Variants in CERS3 observed in about 807,000 individuals in gnomAD.
The protein encoded by CERS3 is ceramide synthase 3.
CERS3 carries 33 observed loss-of-function variants against 50.3 expected under a neutral mutation model. That is an observed-to-expected ratio of 0.66 (90% CI 0.50 to 0.88). CERS3 has a LOEUF of 0.88. Ranked by LOEUF, CERS3 falls within the 40% of genes least tolerant of loss-of-function variation. The pLI is 0.00. For synonymous variants in CERS3, 176 were observed against 155.2 expected (o/e 1.13, Z -0.99); for missense variants, 470 against 460.3 (o/e 1.02, Z -0.19).
chr15:100,453,829 TA>T (rs1405347943), intron 11 of CERS3, among the ~76,000 whole-genome samples: 4 of 152,110 alleles, frequency 2.6e-5, no homozygotes, highest in African/African-American at 9.7e-5. Flanking sequence ...ACATAAAAAA[TA>T]GTGTCTATAT....
At chr15:100,420,101 T>C (rs1430377888) in intron 11 of CERS3, among the ~76,000 whole-genome samples, 9 of 145,410 alleles carry the variant, frequency 6.2e-5, no homozygotes, top group African/African-American at 1.0e-4. Flanking sequence ...CTGAAGGAAA[T>C]AGAGACACAA....
chr15:100,407,137 C>A (rs1420761752), intron 11 of CERS3, among the ~76,000 whole-genome samples: 1 of 152,162 alleles, frequency 6.6e-6, no homozygotes. Context: ...CACAGCCAAA[C>A]CATATCAGAG....
intron 11 of CERS3, among the ~76,000 whole-genome samples, chr15:100,440,297 G>C (rs1036817722): frequency 6.6e-6 from 1 of 152,162 alleles, no homozygotes; most frequent in Admixed American, 6.5e-5. Context: ...CATATCCCCT[G>C]TGACCTGCAC....
chr15:100,504,494 C>T (rs937236687), intron 2 of CERS3, among the ~76,000 whole-genome samples: 1 of 152,098 alleles, frequency 6.6e-6, no homozygotes, highest in African/African-American at 2.4e-5. Context: ...CCGCCCGCCT[C>T]AGCCTCCCAA....
chr15:100,517,641 A>T (rs1293184313), intron 2 of CERS3, among the ~76,000 whole-genome samples: 1 of 152,212 alleles, frequency 6.6e-6, no homozygotes, highest in Non-Finnish European at 1.5e-5. Flanking sequence ...AGGTACACTG[A>T]TGAAGCAAGC....
At chr15:100,536,487 G>A (rs953137771) in intron 1 of CERS3, among the ~76,000 whole-genome samples, 1 of 152,142 alleles carries the variant, frequency 6.6e-6, no homozygotes, top group Non-Finnish European at 1.5e-5. Context: ...GTTTCACCAT[G>A]TTGCCCAGGC....
intron 2 of CERS3, among the ~76,000 whole-genome samples, chr15:100,509,344 C>G (rs146661070): frequency 1.3e-5 from 2 of 152,300 alleles, no homozygotes; most frequent in African/African-American, 4.8e-5. Context: ...TGTAAGAACT[C>G]CAATCCAAGC....
At position 100,501,744 on chromosome 15, in the gene CERS3, G is replaced by C. The variant is rs770746679; in HGVS notation, c.106C>G (p.Pro36Ala). ...EDHDGLVFVK[P>A]SHLYVTIPYA... ...GGAATTGTCACGTATAAATGAGAAG[G>C]TTTTACAAAGACGAGTCCATCGTGA... is the stretch of plus-strand genomic sequence containing the variant. Residue 36 changes from proline to alanine, a missense_variant, in exon 3 of 12, where the codon CCT (proline) becomes GCT (alanine). By Grantham distance (27) the Pro-to-Ala change is conservative (BLOSUM62 -1). Transcript: ENST00000679737. The C allele has an allele frequency of 4.3e-6, 7 of 1,614,020 alleles. No individual in the cohort carries two copies. The highest frequency in any genetic ancestry group is 5.9e-6 in the Non-Finnish European group (7 of 1,179,916).
intron 3 of CERS3, among the ~76,000 whole-genome samples, chr15:100,497,785 C>T (rs2035865170): frequency 6.7e-6 from 1 of 149,372 alleles, no homozygotes; most frequent in East Asian, 2.0e-4. Context: ...AGAAAGAGAA[C>T]TACAGTCCTC....
intron 11 of CERS3, among the ~76,000 whole-genome samples, chr15:100,430,391 T>C (rs12593126): frequency 0.27 from 41,778 of 151,956 alleles, 5,925 homozygotes; most frequent in East Asian, 0.41. Flanking sequence ...CATTCTAATG[T>C]TAATAAGATA....
chr15:100,458,695 C>T (rs1402745506), intron 10 of CERS3, among the ~76,000 whole-genome samples: 2 of 152,052 alleles, frequency 1.3e-5, no homozygotes, highest in African/African-American at 2.4e-5. Flanking sequence ...TCACAACTTA[C>T]AGGTAACCCA....
At chr15:100,511,513 G>T (rs2036339591) in intron 2 of CERS3, among the ~76,000 whole-genome samples, 1 of 150,698 alleles carries the variant, frequency 6.6e-6, no homozygotes, top group African/African-American at 2.4e-5. Flanking sequence ...AGTCCATTGG[G>T]AGCCTGGGTT....
chr15:100,474,734 T>G (rs1304601081), intron 8 of CERS3, among the ~76,000 whole-genome samples: 1 of 152,252 alleles, frequency 6.6e-6, no homozygotes, highest in Non-Finnish European at 1.5e-5. Flanking sequence ...TTAACCTGTT[T>G]AATTCCCACA....
chr15:100,464,670 T>C (rs1002242995), intron 10 of CERS3, among the ~76,000 whole-genome samples: 1 of 152,212 alleles, frequency 6.6e-6, no homozygotes, highest in Non-Finnish European at 1.5e-5. Context: ...CTCAAGAAGA[T>C]AGATACATCC....
At chr15:100,485,842 C>T (rs72759137) in intron 4 of CERS3, among the ~76,000 whole-genome samples, 6,291 of 151,974 alleles carry the variant, frequency 0.041, 181 homozygotes, top group Non-Finnish European at 0.055. Context: ...CCAGCCTGGG[C>T]GACAGAGAAG....
chr15:100,413,016 G>C (rs1030915610), intron 11 of CERS3, among the ~76,000 whole-genome samples: 3 of 152,006 alleles, frequency 2.0e-5, no homozygotes, highest in Non-Finnish European at 2.9e-5. Flanking sequence ...AAAATGCATA[G>C]ATTTTTTTCA....
chr15:100,473,174 A>G (rs2035023271), intron 8 of CERS3, 122 bp from the exon 9 acceptor site: 2 of 1,064,024 alleles, frequency 1.9e-6, no homozygotes, highest in African/African-American at 3.2e-5. Context: ...AAATTTATAA[A>G]ATGCTTTTAC....
intron 1 of CERS3, 25 bp from the exon 2 acceptor site, chr15:100,521,781 ATAAT>A (rs1357139786): frequency 3.3e-5 from 5 of 152,238 alleles, no homozygotes; most frequent in African/African-American, 4.8e-5. Flanking sequence ...AAAGAGAAAC[ATAAT>A]TAATATATTA....
intron 4 of CERS3, 63 bp downstream of exon 4, chr15:100,490,754 A>G: frequency 1.0e-6 from 1 of 955,766 alleles, no homozygotes; most frequent in Non-Finnish European, 1.7e-6. Context: ...AAGGTAAGCT[A>G]TAGATAATTG....
Sources: allele counts gnomAD v4.1 joint callset (sites outside exome capture counted in the v4.1 genomes callset), GRCh38; gene constraint gnomAD v4.1.1; transcripts MANE v1.5; gene names NCBI Gene and HGNC (gene_info 2026-07-23, HGNC 2026-07-21).